Variants in SLC18A1 observed in about 807,000 individuals in gnomAD.
SLC18A1 encodes solute carrier family 18 member A1.
Under a neutral mutation model 53.7 loss-of-function variants are expected in SLC18A1, and 69 were observed. The ratio of observed to expected loss-of-function variants is 1.28; its 90% CI spans 1.06 to 1.57. SLC18A1 has a LOEUF of 1.57. Among genes scored for constraint, SLC18A1 ranks in the 40% most tolerant of loss-of-function variants. The pLI is 0.00. For synonymous variants in SLC18A1, 320 were observed against 248.1 expected (o/e 1.29, Z -2.72); for missense variants, 932 against 668.1 (o/e 1.40, Z -4.35).
At chr8:20,154,743 C>T (rs2071640426) in intron 10 of SLC18A1, among the ~76,000 whole-genome samples, 1 of 152,194 alleles carries the variant, frequency 6.6e-6, no homozygotes, top group South Asian at 2.1e-4. Context: ...GGGCAACCCC[C>T]TTTGGGAGCT....
At position 20,149,697 on chromosome 8, in the gene SLC18A1, T is replaced by G. The variant is rs2071500098; in HGVS notation, c.1125A>C (p.Val375=). 4.3e-6 allele frequency: 7 copies of G among 1,612,396 alleles called. No homozygotes were observed. The highest frequency in any genetic ancestry group is 5.9e-6 in the Non-Finnish European group (7 of 1,179,466). The change falls in exon 12 of 16, where the codon GTA becomes GTC. Residue 375 remains valine, a synonymous_variant. Coordinates refer to ENST00000276373, the MANE Select transcript of SLC18A1 (RefSeq NM_003053.4). ...RWLCSLIGML[V]VGTSLLCVPL... ...TTACACAGAGCAAGCTGGTACCTAC[T>G]ACCAGCATCCCGATTAGGGAACACA...
At chr8:20,173,650 A>G (rs2072182426) in intron 5 of SLC18A1, among the ~76,000 whole-genome samples, 2 of 152,222 alleles carry the variant, frequency 1.3e-5, no homozygotes, top group African/African-American at 4.8e-5. Context: ...ATTAGATATT[A>G]TATTCACCAG....
At chr8:20,148,785 T>C (rs2071471655) in intron 12 of SLC18A1, among the ~76,000 whole-genome samples, 1 of 152,160 alleles carries the variant, frequency 6.6e-6, no homozygotes, top group Non-Finnish European at 1.5e-5. Context: ...CTGATAACAA[T>C]TTTTAGGGTT....
At chr8:20,177,079 T>C (rs1284424280) in intron 4 of SLC18A1, among the ~76,000 whole-genome samples, 1 of 152,232 alleles carries the variant, frequency 6.6e-6, no homozygotes, top group Non-Finnish European at 1.5e-5. Flanking sequence ...TTAAGCCTCA[T>C]TTGATGAAAT....
In SLC18A1 at chr8:20,170,991, C is replaced by T. The variant is rs927944663; in HGVS notation, c.858+112G>A. ...GGAATCCAAACACAGTTCTCACTTTCGCTGACCCTATTCCTCTTCACTTTT... is the reference window on the plus strand; with the variant it reads ...GGAATCCAAACACAGTTCTCACTTTTGCTGACCCTATTCCTCTTCACTTTT... On this transcript the variant is annotated intron_variant, in intron 8 of 15. Coordinates refer to ENST00000276373, the MANE Select transcript of SLC18A1 (RefSeq NM_003053.4). 72 of 1,017,186 alleles carry T rather than the reference C, an allele frequency of 7.1e-5. No homozygotes were observed. The Middle Eastern group carries it at 1.0e-3, about 14-fold the overall frequency. 63.0% of individuals were successfully genotyped at this position (1,017,186 alleles called of 1,614,324 possible). A position where few individuals can be genotyped will look rare whatever the true frequency, so the allele number is the denominator to read the frequency against.
intron 11 of SLC18A1, 142 bp downstream of exon 11, chr8:20,150,524 C>T (rs1238659515): frequency 2.7e-6 from 2 of 749,988 alleles, no homozygotes; most frequent in Non-Finnish European, 2.4e-6. Flanking sequence ...CACTGCCCAT[C>T]CTCCCAGTGG....
chr8:20,149,629 TCTCG>T, intron 12 of SLC18A1, 43 bp downstream of exon 12: 4 of 1,481,516 alleles, frequency 2.7e-6, no homozygotes, highest in African/African-American at 2.8e-5. Context: ...TCTGTCTGTC[TCTCG>T]CTCTCTCTCT....
At chr8:20,173,389 G>C (rs1285221488) in intron 5 of SLC18A1, among the ~76,000 whole-genome samples, 2 of 152,158 alleles carry the variant, frequency 1.3e-5, no homozygotes, top group Non-Finnish European at 2.9e-5. Flanking sequence ...TCCATTGTCT[G>C]ATTATACCAT....
Position 20,181,021 on chromosome 8 carries a change from A to G in SLC18A1, c.-57T>C. The G allele has an allele frequency of 6.5e-7, 1 of 1,536,098 alleles. No individual in the cohort carries two copies. The highest frequency in any genetic ancestry group is 8.8e-7 in the Non-Finnish European group (1 of 1,138,420). ...GCGGGCTCTTAGGGAAGGTCCTGTG[A>G]CAGCTACAGGTCTCCTGCAGCCTTT... On this transcript the variant is annotated 5_prime_UTR_variant, in exon 2 of 16. Coordinates refer to ENST00000276373, the MANE Select transcript of SLC18A1 (RefSeq NM_003053.4).
chr8:20,158,156 A>G (rs2071728002), intron 10 of SLC18A1, among the ~76,000 whole-genome samples: 1 of 152,158 alleles, frequency 6.6e-6, no homozygotes, highest in African/African-American at 2.4e-5. Flanking sequence ...TTTGAGGGCC[A>G]GGAGGTTAAC....
chr8:20,151,006 C>G (rs1303640666), intron 10 of SLC18A1: 6 of 423,326 alleles, frequency 1.4e-5, no homozygotes, highest in South Asian at 1.3e-4. Flanking sequence ...GGGCCTCACT[C>G]TGTCACCCAG....
intron 10 of SLC18A1, 132 bp from the exon 11 acceptor site, chr8:20,150,876 G>A (rs2071535818): frequency 2.6e-6 from 2 of 768,240 alleles, no homozygotes; most frequent in Admixed American, 2.1e-5. Flanking sequence ...TATGATCTGG[G>A]GACCTTTGTG....
chr8:20,183,022 C>T (rs2072468115), intron 1 of SLC18A1, 41 bp downstream of exon 1: 2 of 152,176 alleles, frequency 1.3e-5, no homozygotes, highest in Non-Finnish European at 2.9e-5. Context: ...ACACAAATCA[C>T]AAGGAAAGAT....
rs557850528 is a variant in SLC18A1, at chr8:20,163,754, C to T, written c.1015+1115G>A. ...AGGTGATTCTGATGTAGTTGTTGGA[C>T]AACCTTTGATGTCAGACTTTACAGA... On this transcript the variant is annotated intron_variant, in intron 10 of 15. Transcript: ENST00000276373. Among the ~76,000 whole-genome samples, 7 of 152,276 alleles carry T rather than the reference C, an allele frequency of 4.6e-5. No homozygotes were observed. In the South Asian group the frequency reaches 1.5e-3, roughly 32 times the overall value.
At chr8:20,147,913 A>C in intron 13 of SLC18A1, 94 bp downstream of exon 13, 1 of 1,478,412 alleles carries the variant, frequency 6.8e-7, no homozygotes, top group Non-Finnish European at 9.3e-7. Flanking sequence ...CTGCCTCTGC[A>C]CCTACCTCCT....
Position 20,153,528 on chromosome 8 carries a change from A to G in SLC18A1, c.1016-2784T>C, listed in dbSNP as rs1444722337. Among the ~76,000 whole-genome samples, 3 of 152,172 alleles carry G rather than the reference A, an allele frequency of 2.0e-5. No homozygotes were observed. The East Asian group carries it at 5.8e-4, about 29-fold the overall frequency. On this transcript the variant is annotated intron_variant, in intron 10 of 15. Coordinates refer to ENST00000276373, the MANE Select transcript of SLC18A1 (RefSeq NM_003053.4). Reference sequence around the variant, plus strand: ...CCATCTCTACTAAAAAATACAAAAAATTAGCTGGGCATGGTGGCAGGTACC... The same window carrying G: ...CCATCTCTACTAAAAAATACAAAAAGTTAGCTGGGCATGGTGGCAGGTACC...
rs762106158 is a variant in SLC18A1, at chr8:20,180,944, A to T, written c.21T>A (p.Asp7Glu). The part of the protein sequence containing the change: MLRTIL[D>E]APQRLLKEGR... ...CCTCCTTCAGCAACCGCTGGGGAGC[A>T]TCCAGAATGGTCCGGAGCATGGTGA... is the stretch of plus-strand genomic sequence containing the variant. The change falls in exon 2 of 16, where the codon GAT becomes GAA. Residue 7 changes from aspartate (D) to glutamate (E), a missense_variant. Coordinates refer to ENST00000276373, the MANE Select transcript of SLC18A1 (RefSeq NM_003053.4). The T allele has an allele frequency of 1.9e-6, 3 of 1,591,576 alleles. 1 individual carries two copies. The South Asian group carries it at 3.4e-5, about 18-fold the overall frequency.
intron 8 of SLC18A1, among the ~76,000 whole-genome samples, chr8:20,165,522 C>G (rs1335163832): frequency 6.6e-6 from 1 of 152,128 alleles, no homozygotes; most frequent in Non-Finnish European, 1.5e-5. Flanking sequence ...ATCCCAAAAG[C>G]AAGCACAGAA....
Position 20,183,055 on chromosome 8 carries a change from A to T in SLC18A1, c.-124+8T>A, listed in dbSNP as rs1446218318. The T allele has an allele frequency of 1.3e-5, 2 of 152,176 alleles. No homozygotes were observed. Among genetic ancestry groups the T allele is most frequent in the Non-Finnish European group, 2.9e-5 (2 of 68,030 alleles). The allele number at this position is 152,176 out of a possible 1,614,324, so 9.4% of individuals were successfully genotyped here. ...GATTAAATTTGTCCGGAGAGAGAAA[A>T]ATCTTACCTTGGAGCCCATGTTGGT... On this transcript the variant is annotated splice_region_variant and intron_variant, in intron 1 of 15. Coordinates refer to ENST00000276373, the MANE Select transcript of SLC18A1 (RefSeq NM_003053.4).
Sources: gnomAD v4.1 joint callset for allele counts (sites outside exome capture counted in the v4.1 genomes callset) on GRCh38, gnomAD v4.1.1 for gene constraint, MANE v1.5 for transcripts, NCBI Gene and HGNC (gene_info 2026-07-23, HGNC 2026-07-21) for gene names.